The following SWAP70 variants were observed in gnomAD, a reference collection of about 807,000 sequenced individuals.
SWAP70 encodes the protein switch-associated protein 70.
A neutral mutation model predicts 80.2 loss-of-function variants in SWAP70; 34 were observed. The observed-to-expected ratio is 0.42, with a 90% confidence interval of 0.32 to 0.56. SWAP70 has a LOEUF of 0.56. Among genes scored for constraint, SWAP70 ranks in the 20% least tolerant of loss-of-function variants. The pLI, the probability that SWAP70 is intolerant of heterozygous loss-of-function variation, is 0.09. For synonymous variants in SWAP70, 239 were observed against 238.5 expected (o/e 1.00, Z -0.02); for missense variants, 578 against 690.7 (o/e 0.84, Z 1.83).
intron 2 of SWAP70, among the ~76,000 whole-genome samples, chr11:9,704,565 G>A (rs191636817): frequency 2.0e-4 from 31 of 152,014 alleles, no homozygotes; most frequent in African/African-American, 7.5e-4. Context: ...TGGGTAATTT[G>A]TATTTTTAGT....
At chr11:9,744,851 A>C (rs1296570670) in intron 9 of SWAP70, among the ~76,000 whole-genome samples, 1 of 152,160 alleles carries the variant, frequency 6.6e-6, no homozygotes, top group East Asian at 1.9e-4. Flanking sequence ...GTGAGCTGAG[A>C]TTGCACCACT....
chr11:9,688,519 A>G (rs547493139), intron 1 of SWAP70, among the ~76,000 whole-genome samples: 2 of 152,262 alleles, frequency 1.3e-5, no homozygotes, highest in Admixed American at 6.5e-5. Flanking sequence ...CTGGATTTAT[A>G]TGGTTGGTGC....
intron 1 of SWAP70, among the ~76,000 whole-genome samples, chr11:9,674,449 C>A (rs1850461534): frequency 6.6e-6 from 1 of 151,706 alleles, no homozygotes; most frequent in Non-Finnish European, 1.5e-5. Flanking sequence ...ACTATAATCC[C>A]AGAACTTTGG....
At chr11:9,725,712 C>T (rs1469993106) in intron 4 of SWAP70, among the ~76,000 whole-genome samples, 1 of 151,254 alleles carries the variant, frequency 6.6e-6, no homozygotes, top group East Asian at 2.0e-4. Flanking sequence ...GCTGGGACTA[C>T]AGGTGTGCGC....
chr11:9,740,129 C>G, intron 8 of SWAP70, 52 bp from the exon 9 acceptor site: 2 of 1,567,536 alleles, frequency 1.3e-6, no homozygotes, highest in East Asian at 2.2e-5. Flanking sequence ...GTGAGGCTTT[C>G]CCTGAGAAAG....
chr11:9,718,302 T>C (rs1002238540), intron 3 of SWAP70, among the ~76,000 whole-genome samples: 28 of 152,210 alleles, frequency 1.8e-4, no homozygotes, highest in African/African-American at 6.8e-4. Context: ...TTTTATAGAT[T>C]TTCCTCTGGG....
chr11:9,707,531 TA>T (rs200670272), intron 2 of SWAP70, among the ~76,000 whole-genome samples: 2,285 of 151,672 alleles, frequency 0.015, 27 homozygotes, highest in Non-Finnish European at 0.019. Flanking sequence ...TCATTGTATG[TA>T]TATAACACAT....
chr11:9,733,412 G>T (rs939234798), intron 7 of SWAP70, among the ~76,000 whole-genome samples: 1 of 152,148 alleles, frequency 6.6e-6, no homozygotes, highest in Non-Finnish European at 1.5e-5. Flanking sequence ...TTTGCTCTGG[G>T]ATATGGGGGT....
chr11:9,683,488 G>C (rs907758939), intron 1 of SWAP70, among the ~76,000 whole-genome samples: 1 of 152,108 alleles, frequency 6.6e-6, no homozygotes, highest in Non-Finnish European at 1.5e-5. Flanking sequence ...CTAAGAGGAG[G>C]GGGTGATTCA....
intron 4 of SWAP70, among the ~76,000 whole-genome samples, chr11:9,726,433 TGAG>T (rs1339938013): frequency 6.6e-6 from 1 of 152,210 alleles, no homozygotes; most frequent in Non-Finnish European, 1.5e-5. Context: ...TCATAAATGT[TGAG>T]GCTGAATTTG....
chr11:9,729,955 A>G (rs1469565842), intron 6 of SWAP70, among the ~76,000 whole-genome samples: 1 of 152,208 alleles, frequency 6.6e-6, no homozygotes, highest in East Asian at 1.9e-4. Flanking sequence ...CTTTGGGTAA[A>G]TTATAAATGG....
At chr11:9,697,076 T>A (rs1302524648) in intron 2 of SWAP70, among the ~76,000 whole-genome samples, 5 of 151,912 alleles carry the variant, frequency 3.3e-5, no homozygotes, top group Non-Finnish European at 7.4e-5. Flanking sequence ...ATTAAAAAAA[T>A]TTTAAAAACT....
chr11:9,687,080 G>T (rs1057406025), intron 1 of SWAP70, among the ~76,000 whole-genome samples: 2 of 152,082 alleles, frequency 1.3e-5, no homozygotes, highest in Non-Finnish European at 2.9e-5. Context: ...TATTTTATTT[G>T]CCTATTTTTG....
intron 2 of SWAP70, among the ~76,000 whole-genome samples, chr11:9,711,558 G>A (rs571335877): frequency 1.3e-5 from 2 of 152,306 alleles, no homozygotes; most frequent in Admixed American, 1.3e-4. Flanking sequence ...CTAGAGCACA[G>A]GAATGTGACC....
chr11:9,693,662 A>C (rs1850721093), intron 1 of SWAP70, among the ~76,000 whole-genome samples: 1 of 152,178 alleles, frequency 6.6e-6, no homozygotes, highest in Non-Finnish European at 1.5e-5. Flanking sequence ...TGAGAAAACT[A>C]AAGCCTGGAG....
chr11:9,745,997 G>A (rs1851507532), intron 9 of SWAP70, among the ~76,000 whole-genome samples: 1 of 152,210 alleles, frequency 6.6e-6, no homozygotes, highest in Non-Finnish European at 1.5e-5. Flanking sequence ...AGAGTCCAGT[G>A]AGGATGCCGC....
rs540406682 is a variant in SWAP70, at chr11:9,673,241, C to T, written c.99+8963C>T. ...AGCTTCAAGTTGGGTTCTCCGTGAC[C>T]CCGTCTTTGGGTTCAATTACTTTGC... On this transcript the variant is annotated intron_variant, in intron 1 of 11. Coordinates refer to ENST00000318950, the MANE Select transcript of SWAP70 (RefSeq NM_015055.4). Among the ~76,000 whole-genome samples, 3 of 152,304 alleles carry T rather than the reference C, an allele frequency of 2.0e-5. No individual in the cohort carries two copies. The East Asian group carries it at 5.8e-4, about 29-fold the overall frequency.
chr11:9,669,280 C>A (rs770178932), intron 1 of SWAP70, among the ~76,000 whole-genome samples: 11 of 152,204 alleles, frequency 7.2e-5, no homozygotes, highest in Non-Finnish European at 1.3e-4. Flanking sequence ...CGGAGTCTTG[C>A]TCTGTTGCCC....
At chr11:9,700,490 TTA>T (rs1233811948) in intron 2 of SWAP70, among the ~76,000 whole-genome samples, 1 of 152,244 alleles carries the variant, frequency 6.6e-6, no homozygotes, top group Non-Finnish European at 1.5e-5. Flanking sequence ...TATGAAATAG[TTA>T]TTAAACAGTT....
Sources: allele counts gnomAD v4.1 joint callset (sites outside exome capture counted in the v4.1 genomes callset), GRCh38; gene constraint gnomAD v4.1.1; transcripts MANE v1.5; gene names NCBI Gene and HGNC (gene_info 2026-07-23, HGNC 2026-07-21).